Variants in IQGAP1 observed in about 807,000 individuals in gnomAD.
IQGAP1 encodes ras GTPase-activating-like protein IQGAP1.
A neutral mutation model predicts 215.6 loss-of-function variants in IQGAP1; 66 were observed. The observed-to-expected ratio is 0.31, with a 90% CI of 0.25 to 0.38. The LOEUF is 0.38. Among genes scored for constraint, IQGAP1 ranks in the 10% least tolerant of loss-of-function variants. IQGAP1 has a pLI of 1.00. For missense variants in IQGAP1, 1,712 were observed against 1,997.1 expected (o/e 0.86, Z 2.72); for synonymous variants, 772 against 728.7 (o/e 1.06, Z -0.96).
rs761595402 is a variant in IQGAP1 at position 90,467,493 on chromosome 15, A to G, written c.2079A>G (p.Gly693=). 1.2e-6 allele frequency: 2 copies of G among 1,612,910 alleles called. No homozygotes were observed. The highest frequency in any genetic ancestry group is 1.7e-5 in the Admixed American group (1 of 59,888). ...SKWVKHWVKG[G]YYYYHNLETQ... ...GGGTGAAGCACTGGGTAAAAGGTGG[A>G]TATTATTATTACCACAATCTGGAGA... The change falls in exon 18 of 38, where the codon GGA becomes GGG. Residue 693 remains glycine, a synonymous_variant. Coordinates refer to ENST00000268182, the MANE Select transcript of IQGAP1 (RefSeq NM_003870.4).
At chr15:90,481,056 A>C (rs1376589625) in intron 26 of IQGAP1, among the ~76,000 whole-genome samples, 1 of 152,160 alleles carries the variant, frequency 6.6e-6, no homozygotes, top group African/African-American at 2.4e-5. Context: ...ACAATTGTGG[A>C]GGCCAGAAAT....
intron 14 of IQGAP1, 48 bp from the exon 15 acceptor site, chr15:90,456,104 G>C: frequency 6.6e-7 from 1 of 1,511,022 alleles, no homozygotes; most frequent in Non-Finnish European, 9.1e-7. Context: ...ATTTGTTTAT[G>C]TACTTCCTTA....
At chr15:90,411,300 A>T (rs1194448370) in intron 2 of IQGAP1, among the ~76,000 whole-genome samples, 1 of 150,110 alleles carries the variant, frequency 6.7e-6, no homozygotes, top group African/African-American at 2.5e-5. Flanking sequence ...TTTTTTGGAG[A>T]CAGGGTCTCA....
intron 37 of IQGAP1, 134 bp downstream of exon 37, chr15:90,497,474 G>A: frequency 1.7e-6 from 1 of 584,784 alleles, no homozygotes; most frequent in East Asian, 2.9e-5. Context: ...ACACTGCGGG[G>A]AAAGAAGCTG....
At chr15:90,461,992 A>G (rs1345725257) in intron 15 of IQGAP1, among the ~76,000 whole-genome samples, 1 of 10,204 alleles carries the variant, frequency 9.8e-5, no homozygotes, top group East Asian at 0.1. Flanking sequence ...ACAAAAAAAA[A>G]AAAAAAAGAA....
chr15:90,388,831 G>C (rs1359426245), intron 1 of IQGAP1, among the ~76,000 whole-genome samples: 1 of 152,228 alleles, frequency 6.6e-6, no homozygotes, highest in Non-Finnish European at 1.5e-5. Flanking sequence ...GGATAGACCA[G>C]GGTCCAGACC....
rs181919733 is a variant in IQGAP1 at position 90,487,040 on chromosome 15, G to A, written c.4111G>A (p.Val1371Met). The change falls in exon 32 of 38, where the codon GTG (valine) becomes ATG (methionine). Residue 1371 changes from valine (V) to methionine (M), a missense_variant. This residue lies in a region of IQGAP1 where 691 missense variants were observed against 923.0 expected (regional missense o/e 0.75). Coordinates refer to ENST00000268182, the MANE Select transcript of IQGAP1 (RefSeq NM_003870.4). The part of the protein sequence containing the change: ...VSLTLTNKFD[V>M]PGDENAEMDA... The stretch of plus-strand genomic sequence containing the variant: ...TCTCACCCTGACCAACAAGTTCGAC[G>A]TGCCTGGAGATGAGAATGCAGAAAT... 27 of 1,614,110 alleles carry A rather than the reference G, an allele frequency of 1.7e-5. No individual in the cohort carries two copies. In the East Asian group the frequency reaches 3.1e-4, roughly 19 times the overall value.
chr15:90,488,392 A>G (rs1567143190), intron 33 of IQGAP1, among the ~76,000 whole-genome samples: 1 of 150,110 alleles, frequency 6.7e-6, no homozygotes, highest in Non-Finnish European at 1.5e-5. Flanking sequence ...AATTTGTATT[A>G]TTTTGTATTG....
chr15:90,492,398 G>A (rs890934053), intron 34 of IQGAP1, 147 bp from the exon 35 acceptor site: 6 of 582,536 alleles, frequency 1.0e-5, no homozygotes, highest in African/African-American at 8.3e-5. Flanking sequence ...CTGCACACTC[G>A]AGCCTGGGCA....
chr15:90,397,070 C>G (rs1463560666), intron 2 of IQGAP1, among the ~76,000 whole-genome samples: 1 of 152,102 alleles, frequency 6.6e-6, no homozygotes, highest in Non-Finnish European at 1.5e-5. Flanking sequence ...CCAGGCTGGT[C>G]TCCAACTCCT....
chr15:90,401,535 C>G (rs1964804626), intron 2 of IQGAP1, among the ~76,000 whole-genome samples: 1 of 152,196 alleles, frequency 6.6e-6, no homozygotes, highest in African/African-American at 2.4e-5. Flanking sequence ...TTCCCCTTGC[C>G]TCTCCCCCTC....
Position 90,388,297 on chromosome 15 carries a change from C to T in IQGAP1, c.-45C>T, listed in dbSNP as rs377444072. 5.5e-5 allele frequency: 88 copies of T among 1,596,436 alleles called. No individual in the cohort carries two copies. The highest frequency in any genetic ancestry group is 3.0e-4 in the Admixed American group (18 of 59,410). On this transcript the variant is annotated 5_prime_UTR_variant, in exon 1 of 38. Transcript: ENST00000268182. The stretch of plus-strand genomic sequence containing the variant: ...GCTGTAGCTACCGCCGTCCGCGCCT[C>T]CAAGGTTTCACGGCTTCCTCAGCAG...
intron 29 of IQGAP1, among the ~76,000 whole-genome samples, chr15:90,483,798 AATAG>A (rs1336873917): frequency 1.3e-5 from 2 of 152,252 alleles, no homozygotes; most frequent in African/African-American, 2.4e-5. Flanking sequence ...ACACTTATGA[AATAG>A]ATAGTAGTTA....
At chr15:90,401,571 T>C (rs1014458297) in intron 2 of IQGAP1, among the ~76,000 whole-genome samples, 4 of 152,242 alleles carry the variant, frequency 2.6e-5, no homozygotes, top group African/African-American at 9.6e-5. Context: ...ATTAGTACCG[T>C]TTATTGCATA....
At position 90,456,152 on chromosome 15, in the gene IQGAP1, G is replaced by T. The variant is rs769488383; in HGVS notation, c.1613G>T (p.Arg538Met). ...AAACTTTCTGTCTCTTTATATTTAG[G>T]GATTTTAGCCATTGGTTTAATTAAT... ...VNLVVQEEHE[R>M]ILAIGLINEA... Residue 538 changes from arginine (R) to methionine (M), a missense_variant and splice_region_variant, in exon 15 of 38, where the codon AGG becomes ATG. By Grantham distance (91) the Arg-to-Met change is moderately conservative. Coordinates refer to ENST00000268182, the MANE Select transcript of IQGAP1 (RefSeq NM_003870.4). The T allele has an allele frequency of 6.2e-7, 1 of 1,611,814 alleles. No individual in the cohort carries two copies.
Position 90,473,001 on chromosome 15 carries a change from C to T in IQGAP1, c.2340C>T (p.Thr780=), listed in dbSNP as rs1272780308. 6.2e-7 allele frequency: 1 copy of T among 1,613,926 alleles called. No individual in the cohort carries two copies. Among genetic ancestry groups the T allele is most frequent in the African/African-American group, 1.3e-5 (1 of 75,034 alleles). The part of the protein sequence containing the change: ...NFLKKQIPAI[T]CIQSQWRGYK... ...TGAAGAAACAAATCCCTGCCATCAC[C>T]TGCATTCAGGTATTTCAGAACCTAT... Residue 780 remains threonine, a synonymous_variant, in exon 19 of 38, where the codon ACC becomes ACT. Coordinates refer to ENST00000268182, the MANE Select transcript of IQGAP1 (RefSeq NM_003870.4).
At chr15:90,481,609 C>T (rs1966060536) in intron 26 of IQGAP1, among the ~76,000 whole-genome samples, 1 of 152,158 alleles carries the variant, frequency 6.6e-6, no homozygotes, top group South Asian at 2.1e-4. Flanking sequence ...AGCCCTTTCC[C>T]TATGGTCCTG....
intron 23 of IQGAP1, among the ~76,000 whole-genome samples, chr15:90,475,247 C>T (rs1255487878): frequency 6.6e-6 from 1 of 152,094 alleles, no homozygotes; most frequent in African/African-American, 2.4e-5. Context: ...GATCCACCCG[C>T]CTCAGCCTCC....
At chr15:90,405,044 G>A (rs928336744) in intron 2 of IQGAP1, among the ~76,000 whole-genome samples, 1 of 152,128 alleles carries the variant, frequency 6.6e-6, no homozygotes, top group Non-Finnish European at 1.5e-5. Context: ...CCTCTAGTAT[G>A]TTTAGGATGT....
Sources: allele counts gnomAD v4.1 joint callset (sites outside exome capture counted in the v4.1 genomes callset), GRCh38; gene constraint gnomAD v4.1.1; regional missense constraint gnomAD v4.1.1; transcripts MANE v1.5; gene names NCBI Gene and HGNC (gene_info 2026-07-23, HGNC 2026-07-21).